SPG7: variants seen among roughly 807,000 people sequenced by gnomAD.
SPG7 encodes the protein SPG7 matrix AAA peptidase subunit, paraplegin, also known as mitochondrial inner membrane m-AAA protease component paraplegin.
SPG7 carries 103 observed loss-of-function variants against 81.9 expected under a neutral mutation model. The ratio of observed to expected loss-of-function variants is 1.26; its 90% CI spans 1.07 to 1.48. The LOEUF (loss-of-function observed/expected upper bound fraction) is 1.48, where lower values mean the gene tolerates loss of function less well. Among genes scored for constraint, SPG7 ranks in the 40% most tolerant of loss-of-function variants. The probability of loss-of-function intolerance (pLI) is 0.00; values close to 1 mark genes in which losing one functional copy is unlikely to be tolerated. For missense variants in SPG7, 1,241 were observed against 1,087.3 expected, an observed-to-expected ratio of 1.14 and a Z score of -1.99; for synonymous variants, 534 against 444.2, an observed-to-expected ratio of 1.20 and a Z score of -2.54.
intron 3 of SPG7, among the ~76,000 whole-genome samples, chr16:89,516,060 T>C (rs561452353): frequency 3.2e-4 from 49 of 151,708 alleles, no homozygotes; most frequent in African/African-American, 1.1e-3. Context: ...TAATTTCAGA[T>C]CACTGGAACC....
At chr16:89,532,221 C>T (rs1402508400) in intron 8 of SPG7, among the ~76,000 whole-genome samples, 155 bp downstream of exon 8, 3 of 152,194 alleles carry the variant, frequency 2.0e-5, no homozygotes, top group South Asian at 2.1e-4. Flanking sequence ...GTTTTGTCTG[C>T]GAAGCACATG....
chr16:89,509,765 A>G (rs1479567260), intron 1 of SPG7, among the ~76,000 whole-genome samples: 1 of 137,366 alleles, frequency 7.3e-6, no homozygotes, highest in African/African-American at 2.7e-5. Flanking sequence ...CAGCCAATGT[A>G]CTTCTGTGTT....
intron 12 of SPG7, chr16:89,549,762 G>C (rs978540071): frequency 1.8e-5 from 3 of 164,066 alleles, no homozygotes; most frequent in African/African-American, 7.2e-5. Flanking sequence ...TGGGAGCTGC[G>C]CCTCCAGGTC....
chr16:89,555,587 C>T (rs560683308), intron 16 of SPG7: 3 of 298,686 alleles, frequency 1.0e-5, no homozygotes, highest in African/African-American at 2.2e-5. Context: ...GGCGTTTGAT[C>T]GCCCATCTTC....
At chr16:89,526,617 T>C (rs1280698634) in intron 5 of SPG7, 149 bp downstream of exon 5, 11 of 737,236 alleles carry the variant, frequency 1.5e-5, no homozygotes, top group Non-Finnish European at 2.4e-5. Context: ...TAGAAGTGAA[T>C]GATACAATGC....
At chr16:89,508,896 G>C in intron 1 of SPG7, 1 of 602,114 alleles carries the variant, frequency 1.7e-6, no homozygotes, top group East Asian at 3.6e-5. Flanking sequence ...GCCTTTTAAA[G>C]TGGAATCCAG....
chr16:89,546,586 A>T, intron 10 of SPG7, 72 bp from the exon 11 acceptor site: 7 of 848,160 alleles, frequency 8.3e-6, no homozygotes, highest in Non-Finnish European at 1.4e-5. Flanking sequence ...CCCCCCCCAC[A>T]GACAAACATG....
intron 4 of SPG7, among the ~76,000 whole-genome samples, chr16:89,525,192 T>A (rs2058244489): frequency 6.6e-6 from 1 of 152,142 alleles, no homozygotes; most frequent in African/African-American, 2.4e-5. Flanking sequence ...GGTCTTGAAC[T>A]CCTGGCCTCA....
chr16:89,531,299 G>T (rs1002865918), intron 7 of SPG7: 7 of 253,500 alleles, frequency 2.8e-5, no homozygotes, highest in Admixed American at 9.8e-5. Flanking sequence ...TGAGGCAGGG[G>T]AGTGACTGAG....
At chr16:89,510,466 G>A (rs1206087079) in intron 1 of SPG7, 24 bp from the exon 2 acceptor site, 5 of 1,328,598 alleles carry the variant, frequency 3.8e-6, no homozygotes, top group African/African-American at 3.1e-5. Flanking sequence ...GTGACCTCCA[G>A]TATTGTTTTT....
chr16:89,515,479 G>T (rs2058083359), intron 3 of SPG7, among the ~76,000 whole-genome samples: 1 of 149,870 alleles, frequency 6.7e-6, no homozygotes, highest in African/African-American at 2.4e-5. Context: ...ATGTTGGCCA[G>T]ACTGGTCTTG....
In SPG7 at chr16:89,510,527, G is replaced by A; in HGVS notation, c.221G>A (p.Gly74Glu). 6.2e-7 allele frequency: 1 copy of A among 1,611,714 alleles called. No individual in the cohort carries two copies. The highest frequency in any genetic ancestry group is 1.3e-5 in the African/African-American group (1 of 74,694). ...AGACTGCTAACCCCTACCTTTGAAG[G>A]GATCAACGGATTGTTGTTGAAACAA... ...QLRLLTPTFE[G>E]INGLLLKQHL... The change falls in exon 2 of 17, where the codon GGG becomes GAG. Residue 74 changes from glycine (G) to glutamate (E), a missense_variant. Gly to Glu is a moderately conservative substitution (Grantham distance 98). Transcript: ENST00000645818.
Position 89,554,087 on chromosome 16 carries a change from TC to T in SPG7, c.2103+129del, listed in dbSNP as rs1026380472. On this transcript the variant is annotated intron_variant, in intron 15 of 16. Coordinates refer to ENST00000645818, the MANE Select transcript of SPG7 (RefSeq NM_003119.4). Reference sequence around the variant, plus strand: ...AGCTGCAGGCCCCACCTGGGTTTCTTCCTTCTGGGCTCTGCTGTAGTTCCCA... The same window carrying T: ...AGCTGCAGGCCCCACCTGGGTTTCTTCTTCTGGGCTCTGCTGTAGTTCCCA... The T allele has an allele frequency of 1.1e-4, 99 of 935,284 alleles. No individual in the cohort carries two copies. The African/African-American group carries it at 1.5e-3, about 14-fold the overall frequency. 57.9% of individuals were successfully genotyped at this position (935,284 alleles called of 1,614,324 possible).
rs1173850534 is a variant in SPG7, at chr16:89,526,743, A to C, written c.758+275A>C. ...CCCCTGGTGTAGGATGCTGAAGTCT[A>C]AGCCCCTGATGTAGATGCCGAAGTC... On this transcript the variant is annotated intron_variant, in intron 5 of 16. Transcript: ENST00000645818. 11 of 414,030 alleles carry C rather than the reference A, an allele frequency of 2.7e-5. 1 individual carries two copies. Among genetic ancestry groups the C allele is most frequent in the South Asian group, 1.0e-4 (5 of 48,120 alleles). 25.6% of individuals were successfully genotyped at this position (414,030 alleles called of 1,614,324 possible).
chr16:89,556,989 A>C lies in SPG7; in HGVS notation c.2284A>C (p.Arg762=). The C allele has an allele frequency of 6.2e-7, 1 of 1,613,942 alleles. No homozygotes were observed. The highest frequency in any genetic ancestry group is 8.5e-7 in the Non-Finnish European group (1 of 1,179,972). The stretch of plus-strand genomic sequence containing the variant: ...GCCGAAGAAAATGATCGCACCGCAG[A>C]GGTGGATCGACGCCCAGAGGGAGAA... The part of the protein sequence containing the change: ...HGPKKMIAPQ[R]WIDAQREKQD... The change falls in exon 17 of 17, where the codon AGG becomes CGG. Residue 762 remains arginine, a synonymous_variant. Transcript: ENST00000645818.
chr16:89,510,443 C>G, intron 1 of SPG7, 47 bp from the exon 2 acceptor site: 1 of 1,207,176 alleles, frequency 8.3e-7, no homozygotes, highest in Non-Finnish European at 1.2e-6. Flanking sequence ...CTTTGGTACT[C>G]TCTAATGTTG....
At chr16:89,554,844 C>A in intron 16 of SPG7, 1 of 402,684 alleles carries the variant, frequency 2.5e-6, no homozygotes, top group Non-Finnish European at 4.6e-6. Flanking sequence ...TTTGTTTAAT[C>A]TTTTCCCAAG....
intron 9 of SPG7, among the ~76,000 whole-genome samples, chr16:89,536,125 G>C (rs369026676): frequency 5.8e-5 from 7 of 121,694 alleles, no homozygotes; most frequent in African/African-American, 2.2e-4. Context: ...GTGGCCTTCA[G>C]TGTGGCCTCT....
At chr16:89,510,815 C>T (rs2058010912) in intron 2 of SPG7, among the ~76,000 whole-genome samples, 2 of 152,150 alleles carry the variant, frequency 1.3e-5, no homozygotes, top group African/African-American at 4.8e-5. Context: ...CAGGCGTGTA[C>T]CGTCACACTC....
Sources: gnomAD v4.1 joint callset for allele counts (sites outside exome capture counted in the v4.1 genomes callset) on GRCh38, gnomAD v4.1.1 for gene constraint, MANE v1.5 for transcripts, NCBI Gene and HGNC (gene_info 2026-07-23, HGNC 2026-07-21) for gene names.